The following FSD1L variants were observed in gnomAD, a reference collection of about 807,000 sequenced individuals.
FSD1L encodes the protein FSD1-like protein.
FSD1L carries 45 observed loss-of-function variants against 71.6 expected under a neutral mutation model. That is an observed-to-expected ratio of 0.63 (90% CI 0.49 to 0.81). The LOEUF (loss-of-function observed/expected upper bound fraction) is 0.81. Ranked by LOEUF, FSD1L falls within the 30% of genes least tolerant of loss-of-function variation. The probability of loss-of-function intolerance (pLI) is 0.00; values close to 1 mark genes in which losing one functional copy is unlikely to be tolerated. For missense variants in FSD1L, 561 were observed against 618.1 expected, an observed-to-expected ratio of 0.91 and a Z score of 0.98; for synonymous variants, 197 against 207.2, an observed-to-expected ratio of 0.95 and a Z score of 0.42.
At chr9:105,480,255 A>C (rs186813516) in intron 6 of FSD1L, among the ~76,000 whole-genome samples, 1 of 150,882 alleles carries the variant, frequency 6.6e-6, no homozygotes, top group South Asian at 2.1e-4. Flanking sequence ...CAGTGCCTCT[A>C]TTGTTAATCT....
intron 1 of FSD1L, among the ~76,000 whole-genome samples, chr9:105,453,347 A>G (rs554773802): frequency 4.2e-4 from 64 of 151,706 alleles, no homozygotes; most frequent in Non-Finnish European, 8.5e-4. Context: ...ACACTCAGCT[A>G]ATTTTTTAAA....
At chr9:105,464,558 A>T (rs934686619) in intron 3 of FSD1L, among the ~76,000 whole-genome samples, 3 of 152,244 alleles carry the variant, frequency 2.0e-5, no homozygotes, top group Non-Finnish European at 4.4e-5. Context: ...GTTAGAAAAT[A>T]CCAGAGTGCT....
chr9:105,474,461 A>G (rs1406603213), intron 5 of FSD1L, among the ~76,000 whole-genome samples: 1 of 152,188 alleles, frequency 6.6e-6, no homozygotes, highest in Admixed American at 6.6e-5. Flanking sequence ...CATATGTCCA[A>G]ATAGTATCCA....
chr9:105,447,360 ATAATT>A (rs920519456), upstream of FSD1L, among the ~76,000 whole-genome samples: 156 of 149,152 alleles, frequency 1.0e-3, no homozygotes, highest in Middle Eastern at 7.1e-3. Context: ...GAGAATGACT[ATAATT>A]TATTCACTAC....
chr9:105,522,811 C>T (rs891114754), intron 10 of FSD1L: 18 of 1,613,256 alleles, frequency 1.1e-5, no homozygotes, highest in Admixed American at 3.3e-5. Flanking sequence ...GGTAATGCCT[C>T]GACTATGACA....
intron 4 of FSD1L, among the ~76,000 whole-genome samples, chr9:105,470,118 T>C (rs1193676068): frequency 6.6e-5 from 10 of 152,360 alleles, no homozygotes; most frequent in Non-Finnish European, 8.8e-5. Context: ...CATTGGTCTG[T>C]GTATCTGTCT....
intron 13 of FSD1L, among the ~76,000 whole-genome samples, chr9:105,541,327 TA>T (rs1177701258): frequency 2.0e-5 from 3 of 150,720 alleles, no homozygotes; most frequent in Non-Finnish European, 4.4e-5. Context: ...ACCTCTGCCA[TA>T]TTACGCATTT....
chr9:105,524,854 G>A lies in FSD1L; in HGVS notation c.1026-9639G>A, dbSNP rs181916651. 2,607 of 1,589,188 alleles carry A rather than the reference G, an allele frequency of 1.6e-3. 42 individuals carry two copies. The African/African-American group carries it at 0.032, about 19-fold the overall frequency. On this transcript the variant is annotated intron_variant, in intron 10 of 13. Coordinates refer to ENST00000481272, the MANE Select transcript of FSD1L (RefSeq NM_001145313.3). ...CCTGCTATGCTAACAAGTCAGGTGTGTGAAAATCACGACAATCATTACAGT... is the reference window on the plus strand; with the variant it reads ...CCTGCTATGCTAACAAGTCAGGTGTATGAAAATCACGACAATCATTACAGT...
intron 12 of FSD1L, among the ~76,000 whole-genome samples, chr9:105,536,615 A>G (rs1004170441): frequency 2.6e-5 from 4 of 151,712 alleles, no homozygotes; most frequent in Non-Finnish European, 4.4e-5. Context: ...TAGGCAGTTT[A>G]TGGTTTTGGT....
intron 10 of FSD1L, chr9:105,530,607 CA>C (rs1283841043): frequency 1.5e-6 from 1 of 689,654 alleles, no homozygotes; most frequent in African/African-American, 1.8e-5. Context: ...GTATGACGTT[CA>C]CTTTCTATTT....
intron 2 of FSD1L, among the ~76,000 whole-genome samples, chr9:105,462,806 A>G (rs1007669119): frequency 1.7e-5 from 2 of 120,024 alleles, no homozygotes; most frequent in Non-Finnish European, 3.4e-5. Flanking sequence ...GTGGTGGCAC[A>G]TGCTTTTTTC....
intron 7 of FSD1L, among the ~76,000 whole-genome samples, chr9:105,495,834 G>T (rs1833351320): frequency 6.6e-6 from 1 of 152,026 alleles, no homozygotes; most frequent in Admixed American, 6.5e-5. Flanking sequence ...AATTAGCTGG[G>T]CGTAGTGATG....
chr9:105,510,518 C>T lies in FSD1L; in HGVS notation c.895+1803C>T, dbSNP rs76116000. ...CAACCAGTAGAAATTAGGGTATGGA[C>T]AAAAAACTGGAGAGAAAGGAAGAAA... On this transcript the variant is annotated intron_variant, in intron 9 of 13. Transcript: ENST00000481272. Among the ~76,000 whole-genome samples the T allele has an allele frequency of 7.8e-3, 1,194 of 152,158 alleles. 18 individuals carry two copies. Among genetic ancestry groups the T allele is most frequent in the African/African-American group, 0.027 (1,114 of 41,508 alleles).
chr9:105,492,898 C>G (rs1304259840), intron 7 of FSD1L, among the ~76,000 whole-genome samples: 2 of 152,036 alleles, frequency 1.3e-5, no homozygotes, highest in Admixed American at 6.5e-5. Context: ...TTTACATTTG[C>G]TGAGGAGAGC....
chr9:105,488,819 G>GTTT (rs58736638), intron 7 of FSD1L, among the ~76,000 whole-genome samples: 3 of 133,672 alleles, frequency 2.2e-5, no homozygotes, highest in Non-Finnish European at 3.2e-5. Flanking sequence ...TTTACATTGG[G>GTTT]TTTTTTTTTT....
intron 6 of FSD1L, among the ~76,000 whole-genome samples, chr9:105,480,640 A>G (rs1296988055): frequency 6.6e-6 from 1 of 152,172 alleles, no homozygotes; most frequent in African/African-American, 2.4e-5. Flanking sequence ...GGCAGTAGCT[A>G]AAGACATGGA....
At chr9:105,513,493 G>A (rs2131382085) in intron 10 of FSD1L, 1 of 782,826 alleles carries the variant, frequency 1.3e-6, no homozygotes, top group Non-Finnish European at 2.0e-6. Flanking sequence ...TTACAGTAAT[G>A]AATCCCCAAA....
At chr9:105,530,118 AATG>A (rs1326390036) in intron 10 of FSD1L, among the ~76,000 whole-genome samples, 3 of 152,224 alleles carry the variant, frequency 2.0e-5, no homozygotes, top group Non-Finnish European at 4.4e-5. Context: ...TATAGAAGTA[AATG>A]ATGATTTTTA....
intron 7 of FSD1L, among the ~76,000 whole-genome samples, chr9:105,493,828 C>T (rs1270283631): frequency 6.6e-6 from 1 of 152,070 alleles, no homozygotes; most frequent in African/African-American, 2.4e-5. Flanking sequence ...GAATATTGGC[C>T]CCCACTCTCT....
Sources: gnomAD v4.1 joint callset for allele counts (sites outside exome capture counted in the v4.1 genomes callset) on GRCh38, gnomAD v4.1.1 for gene constraint, MANE v1.5 for transcripts, NCBI Gene and HGNC (gene_info 2026-07-23, HGNC 2026-07-21) for gene names.